The following CTBP2 variants were observed in gnomAD, a reference collection of about 807,000 sequenced individuals.
CTBP2 encodes C-terminal-binding protein 2.
CTBP2 carries 30 observed loss-of-function variants against 80.3 expected under a neutral mutation model. That is an observed-to-expected ratio of 0.37 (90% CI 0.28 to 0.51). The LOEUF (loss-of-function observed/expected upper bound fraction) is 0.51. Ranked by LOEUF, CTBP2 falls within the 20% of genes least tolerant of loss-of-function variation. The pLI, the probability that CTBP2 is intolerant of heterozygous loss-of-function variation, is 0.93. For missense variants in CTBP2, 1,212 were observed against 1,375.3 expected (o/e 0.88, Z 1.88); for synonymous variants, 594 against 587.4 (o/e 1.01, Z -0.16).
chr10:125,075,820 T>C (rs907218352), intron 2 of CTBP2, among the ~76,000 whole-genome samples: 1 of 152,208 alleles, frequency 6.6e-6, no homozygotes, highest in South Asian at 2.1e-4. Context: ...ACAACTCCCA[T>C]GCGCAGCTGG....
intron 2 of CTBP2, among the ~76,000 whole-genome samples, chr10:125,108,770 C>T (rs932556941): frequency 9.2e-5 from 14 of 152,228 alleles, no homozygotes; most frequent in Non-Finnish European, 1.6e-4. Flanking sequence ...GTGCGTGGGC[C>T]GTGGACACCA....
At chr10:125,034,369 T>C (rs1300757117) in intron 3 of CTBP2, among the ~76,000 whole-genome samples, 1 of 152,250 alleles carries the variant, frequency 6.6e-6, no homozygotes, top group Non-Finnish European at 1.5e-5. Flanking sequence ...TGTGAAGCTT[T>C]GCCTTGGCTG....
At chr10:125,034,231 C>T (rs944563714) in intron 3 of CTBP2, among the ~76,000 whole-genome samples, 7 of 152,204 alleles carry the variant, frequency 4.6e-5, no homozygotes, top group Admixed American at 1.3e-4. Context: ...TCCCCAGAGT[C>T]GGTGGAGGAA....
At chr10:125,128,474 G>C (rs1590959941) in intron 1 of CTBP2, among the ~76,000 whole-genome samples, 1 of 152,196 alleles carries the variant, frequency 6.6e-6, no homozygotes, top group Admixed American at 6.5e-5. Context: ...AAAAGCAAGA[G>C]AAACAGGCCC....
chr10:125,003,362 C>T lies in CTBP2; in HGVS notation c.1809G>A (p.Gln603=). The T allele has an allele frequency of 6.2e-7, 1 of 1,610,636 alleles. No homozygotes were observed. The highest frequency in any genetic ancestry group is 1.7e-5 in the Admixed American group (1 of 59,214). ...CCTTCTCGTGGATTTCCTGCGTCGA[C>T]TGCGCGTCACAGAAGGCCACAGTGG... Residue 603 remains glutamine (Q), a synonymous_variant, in exon 2 of 9, where the codon CAG becomes CAA. Transcript: ENST00000309035.
At chr10:125,111,508 A>T (rs75068074) in intron 1 of CTBP2, among the ~76,000 whole-genome samples, 4,922 of 152,364 alleles carry the variant, frequency 0.032, 110 homozygotes, top group Middle Eastern at 0.092. Context: ...CACGGTTTAT[A>T]AGTGCTATTA....
At chr10:125,047,498 A>G (rs1961562458) in intron 2 of CTBP2, among the ~76,000 whole-genome samples, 1 of 152,268 alleles carries the variant, frequency 6.6e-6, no homozygotes, top group Non-Finnish European at 1.5e-5. Flanking sequence ...GGCACACACA[A>G]TACATCTGCT....
chr10:125,059,406 C>A (rs1964553428), intron 2 of CTBP2, among the ~76,000 whole-genome samples: 1 of 152,014 alleles, frequency 6.6e-6, no homozygotes, highest in Admixed American at 6.6e-5. Context: ...CATAGCAAAA[C>A]CCCGTCTCTA....
chr10:125,080,272 C>T (rs984491417), intron 2 of CTBP2, among the ~76,000 whole-genome samples: 3 of 150,388 alleles, frequency 2.0e-5, no homozygotes, highest in African/African-American at 7.3e-5. Context: ...CACCCAGTTT[C>T]CTTGGATTAG....
intron 2 of CTBP2, among the ~76,000 whole-genome samples, chr10:125,086,259 C>T (rs536030762): frequency 5.7e-4 from 86 of 152,178 alleles, no homozygotes; most frequent in African/African-American, 2.0e-3. Flanking sequence ...GGCCAAGGCT[C>T]GGTGGCTAAT....
At chr10:125,033,541 C>T (rs1321131924) in intron 3 of CTBP2, among the ~76,000 whole-genome samples, 1 of 152,188 alleles carries the variant, frequency 6.6e-6, no homozygotes, top group African/African-American at 2.4e-5. Context: ...TTCACAGTCA[C>T]CCCAAATACC....
chr10:125,071,287 C>G (rs910456580), intron 2 of CTBP2, among the ~76,000 whole-genome samples: 1 of 152,228 alleles, frequency 6.6e-6, no homozygotes, highest in Non-Finnish European at 1.5e-5. Flanking sequence ...GGCCACTGGA[C>G]GGCCCTTGGC....
At chr10:125,118,909 G>T (rs1263671030) in intron 1 of CTBP2, among the ~76,000 whole-genome samples, 1 of 152,214 alleles carries the variant, frequency 6.6e-6, no homozygotes, top group Non-Finnish European at 1.5e-5. Flanking sequence ...GGCGGCTGCT[G>T]GTGGAGGTGC....
At chr10:125,003,245 C>A in intron 2 of CTBP2, 93 bp downstream of exon 4, 1 of 1,584,726 alleles carries the variant, frequency 6.3e-7, no homozygotes, top group Non-Finnish European at 8.6e-7. Context: ...GGTTCTGGGG[C>A]CTGCCGGTGA....
rs2134677664 is a variant in CTBP2, at chr10:125,026,319, A to T, written c.1441T>A (p.Ser481Thr). The change falls in exon 1 of 9, where the codon TCC becomes ACC. Residue 481 changes from serine to threonine, a missense_variant. Transcript: ENST00000309035. ...TCCATGGGCACCGTGTATGCCGTGG[A>T]GTAGGCTGTTCTGGGGCCTGGGTGA... 1 of 1,613,850 alleles carries T rather than the reference A, an allele frequency of 6.2e-7. No homozygotes were observed. Among genetic ancestry groups the T allele is most frequent in the Non-Finnish European group, 8.5e-7 (1 of 1,179,956 alleles).
At chr10:125,023,844 ACCACC>A (rs1957286843) in intron 1 of CTBP2, among the ~76,000 whole-genome samples, 1 of 152,126 alleles carries the variant, frequency 6.6e-6, no homozygotes, top group Non-Finnish European at 1.5e-5. Flanking sequence ...CAAACCCCAA[ACCACC>A]CCACTATAAG....
intron 1 of CTBP2, among the ~76,000 whole-genome samples, chr10:125,018,556 CAAA>C (rs879908500): frequency 0.32 from 40,850 of 128,472 alleles, 5,618 homozygotes; most frequent in African/African-American, 0.36. Flanking sequence ...AACCAACCAA[CAAA>C]CAAACAAACA....
At chr10:125,095,784 T>C (rs1015856257) in intron 2 of CTBP2, among the ~76,000 whole-genome samples, 1 of 152,188 alleles carries the variant, frequency 6.6e-6, no homozygotes, top group Non-Finnish European at 1.5e-5. Context: ...GACAGCACAG[T>C]TTCTGTAGGA....
intron 1 of CTBP2, among the ~76,000 whole-genome samples, chr10:125,112,871 G>A (rs1852540572): frequency 6.6e-6 from 1 of 152,198 alleles, no homozygotes; most frequent in African/African-American, 2.4e-5. Context: ...GCATGATTAT[G>A]TAGCAAGTCA....
Sources: allele counts gnomAD v4.1 joint callset (sites outside exome capture counted in the v4.1 genomes callset), GRCh38; gene constraint gnomAD v4.1.1; transcripts MANE v1.5; gene names NCBI Gene and HGNC (gene_info 2026-07-23, HGNC 2026-07-21).